LIFR: variants seen among roughly 807,000 people sequenced by gnomAD.
The protein encoded by LIFR is LIF receptor subunit alpha.
LIFR carries 84 observed loss-of-function variants against 122.2 expected under a neutral mutation model. The ratio of observed to expected loss-of-function variants is 0.69; its 90% CI spans 0.58 to 0.82. LIFR has a LOEUF of 0.82. Ranked by LOEUF, LIFR falls within the 40% of genes least tolerant of loss-of-function variation. The pLI, the probability that LIFR is intolerant of heterozygous loss-of-function variation, is 0.00. For synonymous variants in LIFR, 422 were observed against 434.7 expected (o/e 0.97, Z 0.36); for missense variants, 1,294 against 1,311.6 (o/e 0.99, Z 0.21).
At chr5:38,516,761 G>A (rs1429501616) in intron 5 of LIFR, among the ~76,000 whole-genome samples, 2 of 152,056 alleles carry the variant, frequency 1.3e-5, no homozygotes, top group African/African-American at 2.4e-5. Flanking sequence ...TGCACACATA[G>A]GTTTACTGCA....
chr5:38,572,576 G>T (rs572116189), intron 1 of LIFR, among the ~76,000 whole-genome samples: 2 of 152,286 alleles, frequency 1.3e-5, no homozygotes, highest in East Asian at 3.9e-4. Flanking sequence ...TTTATCCAGA[G>T]CTTATGACAG....
intron 1 of LIFR, among the ~76,000 whole-genome samples, chr5:38,539,152 G>A (rs1353625438): frequency 6.6e-6 from 1 of 151,990 alleles, no homozygotes; most frequent in Non-Finnish European, 1.5e-5. Flanking sequence ...TAGGAGAGAC[G>A]GGGTTTCACC....
At chr5:38,544,519 C>T (rs961813571) in intron 1 of LIFR, among the ~76,000 whole-genome samples, 19 of 152,178 alleles carry the variant, frequency 1.2e-4, no homozygotes, top group African/African-American at 3.8e-4. Flanking sequence ...ACACTCACTT[C>T]CTCAGGAAGG....
intron 12 of LIFR, 150 bp from the exon 13 acceptor site, chr5:38,496,745 G>A: frequency 2.9e-6 from 2 of 686,636 alleles, no homozygotes; most frequent in East Asian, 5.5e-5. Context: ...CTTAGGCCGA[G>A]GCAGGTGGAT....
intron 7 of LIFR, among the ~76,000 whole-genome samples, chr5:38,507,339 A>G (rs1310759806): frequency 6.6e-6 from 1 of 151,902 alleles, no homozygotes; most frequent in Non-Finnish European, 1.5e-5. Flanking sequence ...CAAGGTGGGC[A>G]AATCACCTGA....
chr5:38,524,372 G>A (rs1485762244), intron 4 of LIFR, among the ~76,000 whole-genome samples: 1 of 152,178 alleles, frequency 6.6e-6, no homozygotes, highest in African/African-American at 2.4e-5. Context: ...TTTATCAGTA[G>A]TATGCAACAC....
At chr5:38,496,263 T>C in intron 13 of LIFR, 119 bp downstream of exon 13, 1 of 819,972 alleles carries the variant, frequency 1.2e-6, no homozygotes, top group Non-Finnish European at 2.1e-6. Context: ...TTCTGCCTTC[T>C]AGGTCAGCAG....
At chr5:38,603,662 G>GA (rs35884383) in intron 2 of LIFR, among the ~76,000 whole-genome samples, 26,538 of 151,890 alleles carry the variant, frequency 0.17, 2,552 homozygotes, top group Admixed American at 0.22. Context: ...AGCATTTTTG[G>GA]AAAAAAATGA....
chr5:38,486,720 TTAGAG>T (rs2112381293), intron 16 of LIFR, among the ~76,000 whole-genome samples: 1 of 152,240 alleles, frequency 6.6e-6, no homozygotes, highest in Non-Finnish European at 1.5e-5. Flanking sequence ...AGTAGCAAAC[TTAGAG>T]AGATGTGACT....
chr5:38,510,491 T>C lies in LIFR; in HGVS notation c.964A>G (p.Ile322Val), dbSNP rs1199949014. Residue 322 changes from isoleucine (I) to valine (V), a missense_variant, in exon 7 of 20, where the codon ATA becomes GTA. By Grantham distance (29) the Ile-to-Val change is conservative. Transcript: ENST00000453190. ...CCAGCAAAAATAACGGTTCCAAATA[T>C]GTTATCTTCGGTTGTAAAAACTACA... is the stretch of plus-strand genomic sequence containing the variant. Reference protein sequence around the residue: ...TNVVFTTEDNIFGTVIFAGYP... With the variant: ...TNVVFTTEDNVFGTVIFAGYP... 6 of 1,613,334 alleles carry C rather than the reference T, an allele frequency of 3.7e-6. No individual in the cohort carries two copies. In the South Asian group the frequency reaches 4.4e-5, roughly 12 times the overall value.
Position 38,481,328 on chromosome 5 carries a change from G to C in LIFR, c.*267C>G. 1.9e-6 allele frequency: 1 copy of C among 521,302 alleles called. No homozygotes were observed. Among genetic ancestry groups the C allele is most frequent in the South Asian group, 2.2e-5 (1 of 44,984 alleles). 32.3% of individuals were successfully genotyped at this position (521,302 alleles called of 1,614,324 possible). On this transcript the variant is annotated 3_prime_UTR_variant, in exon 20 of 20. Transcript: ENST00000453190. ...AGGTATTAGCCTTGAAATGCTTCTTGAAGGTAGAGTACATGAGAATTCTTT... is the reference window on the plus strand; with the variant it reads ...AGGTATTAGCCTTGAAATGCTTCTTCAAGGTAGAGTACATGAGAATTCTTT...
At chr5:38,561,923 C>T (rs1043216083) in intron 1 of LIFR, among the ~76,000 whole-genome samples, 4 of 152,182 alleles carry the variant, frequency 2.6e-5, no homozygotes, top group Admixed American at 6.5e-5. Context: ...AACACTTTCC[C>T]CCGATACACT....
At chr5:38,580,882 G>A (rs1056487370) in intron 1 of LIFR, among the ~76,000 whole-genome samples, 11 of 152,004 alleles carry the variant, frequency 7.2e-5, no homozygotes, top group African/African-American at 1.9e-4. Context: ...CTCTATCTCC[G>A]TGTGCTTCAG....
At chr5:38,484,900 G>T in intron 17 of LIFR, 32 bp from the exon 18 acceptor site, 3 of 1,444,906 alleles carry the variant, frequency 2.1e-6, no homozygotes, top group Non-Finnish European at 2.9e-6. Flanking sequence ...TATTAAAATC[G>T]CCATTTTTAG....
chr5:38,545,456 G>C (rs372053550), intron 1 of LIFR, among the ~76,000 whole-genome samples: 3 of 152,134 alleles, frequency 2.0e-5, no homozygotes, highest in African/African-American at 4.8e-5. Context: ...TCTGAATGGT[G>C]AAACTAAAAT....
Position 38,475,142 on chromosome 5 carries a change from GT to G in LIFR, c.*6452del. 5.5e-6 allele frequency: 1 copy of G among 181,724 alleles called. No homozygotes were observed. Among genetic ancestry groups the G allele is most frequent in the South Asian group, 2.0e-4 (1 of 5,070 alleles). The allele number at this position is 181,724 out of a possible 1,614,324, so 11.3% of individuals were successfully genotyped here. A position where few individuals can be genotyped will look rare whatever the true frequency, so the allele number is the denominator to read the frequency against. On this transcript the variant is annotated 3_prime_UTR_variant, in exon 20 of 20. Transcript: ENST00000453190. ...TTTTCTATGTTTTTGCTATAATCAT[GT>G]TTTCCAAAAGATACAGAAACTAAAT...
chr5:38,499,559 C>A lies in LIFR; in HGVS notation c.1625G>T (p.Trp542Leu). ...EASPSKGPDT[W>L]REWSSDGKNL... ...TTTTCCATCAGAACTCCACTCTCTC[C>A]AAGTATCAGGCCCCTTTGAAGGACC... The change falls in exon 12 of 20, where the codon TGG becomes TTG. Residue 542 changes from tryptophan to leucine, a missense_variant. Coordinates refer to ENST00000453190, the MANE Select transcript of LIFR (RefSeq NM_001127671.2). 1 of 1,608,250 alleles carries A rather than the reference C, an allele frequency of 6.2e-7. No individual in the cohort carries two copies. The highest frequency in any genetic ancestry group is 8.5e-7 in the Non-Finnish European group (1 of 1,174,742).
chr5:38,514,798 A>G (rs1015321441), intron 5 of LIFR, among the ~76,000 whole-genome samples: 5 of 152,222 alleles, frequency 3.3e-5, no homozygotes, highest in African/African-American at 4.8e-5. Flanking sequence ...ACAATACAGT[A>G]TAACTACTAT....
At chr5:38,534,618 G>A (rs916771848) in intron 1 of LIFR, among the ~76,000 whole-genome samples, 1 of 152,198 alleles carries the variant, frequency 6.6e-6, no homozygotes, top group African/African-American at 2.4e-5. Context: ...ATACCAAGAT[G>A]CATCACTGAG....
Sources: gnomAD v4.1 joint callset for allele counts (sites outside exome capture counted in the v4.1 genomes callset) on GRCh38, gnomAD v4.1.1 for gene constraint, MANE v1.5 for transcripts, NCBI Gene and HGNC (gene_info 2026-07-23, HGNC 2026-07-21) for gene names.